Variants in COL6A6 observed in about 807,000 individuals in gnomAD.
COL6A6 encodes the protein collagen type VI alpha 6 chain.
In COL6A6, 183 loss-of-function variants were observed where a neutral mutation model predicts 208.6. The observed-to-expected ratio is 0.88, with a 90% CI of 0.78 to 0.99. The LOEUF (loss-of-function observed/expected upper bound fraction) is 0.99, where lower values mean the gene tolerates loss of function less well. Ranked by LOEUF, COL6A6 falls within the 50% of genes least tolerant of loss-of-function variation. The pLI is 0.00. For synonymous variants in COL6A6, 973 were observed against 1,011.8 expected (o/e 0.96, Z 0.73); for missense variants, 2,816 against 2,815.2 (o/e 1.00, Z -0.01).
At chr3:130,602,675 GT>G (rs2064060142) in intron 20 of COL6A6, among the ~76,000 whole-genome samples, 1 of 152,060 alleles carries the variant, frequency 6.6e-6, no homozygotes, top group Non-Finnish European at 1.5e-5. Flanking sequence ...TCTATTCTTT[GT>G]TTTTTCTTCA....
intron 10 of COL6A6, 102 bp downstream of exon 10, chr3:130,582,170 C>G (rs1266683505): frequency 1.4e-6 from 1 of 715,136 alleles, no homozygotes; most frequent in African/African-American, 1.8e-5. Context: ...TTTGAATAAC[C>G]CTGATTTTGA....
chr3:130,624,516 C>T (rs185445937), intron 24 of COL6A6, among the ~76,000 whole-genome samples: 2 of 152,180 alleles, frequency 1.3e-5, no homozygotes, highest in Admixed American at 6.5e-5. Flanking sequence ...GGCATGTAAT[C>T]GGGAAATCAA....
At chr3:130,557,119 T>C (rs965499213) in intron 1 of COL6A6, among the ~76,000 whole-genome samples, 2 of 152,196 alleles carry the variant, frequency 1.3e-5, no homozygotes, top group African/African-American at 2.4e-5. Context: ...GGAATGGAGC[T>C]GGACCCAGGC....
At chr3:130,641,779 G>A in intron 29 of COL6A6, 65 bp downstream of exon 29, 3 of 943,454 alleles carry the variant, frequency 3.2e-6, no homozygotes, top group South Asian at 1.7e-5. Context: ...GTCAGTGCAT[G>A]AAATCTTCAT....
chr3:130,627,360 G>A lies in COL6A6; in HGVS notation c.4983G>A (p.Lys1661=). ...GSPGYGSVGR[K]GAKGQEGFPG... ...CAGGTTATGGTAGTGTCGGACGCAA[G>A]GGAGCAAAGGTAAGTCAAGTCTGCT... The change falls in exon 26 of 37, where the codon AAG becomes AAA. Residue 1661 remains lysine, a synonymous_variant. Coordinates refer to ENST00000358511, the MANE Select transcript of COL6A6 (RefSeq NM_001102608.3). The A allele has an allele frequency of 6.2e-7, 1 of 1,613,748 alleles. No homozygotes were observed. The highest frequency in any genetic ancestry group is 8.5e-7 in the Non-Finnish European group (1 of 1,179,694).
chr3:130,642,477 G>A (rs138113523), intron 29 of COL6A6, among the ~76,000 whole-genome samples: 55 of 152,300 alleles, frequency 3.6e-4, no homozygotes, highest in African/African-American at 1.2e-3. Context: ...GCACATGTGT[G>A]GCTCACTTTA....
intron 36 of COL6A6, among the ~76,000 whole-genome samples, chr3:130,666,996 G>A (rs187466007): frequency 6.6e-6 from 1 of 152,150 alleles, no homozygotes; most frequent in Non-Finnish European, 1.5e-5. Context: ...TTTATCAATT[G>A]TAACAGTGGA....
In COL6A6 at chr3:130,565,164, A is replaced by AAAGTGAT. The variant is rs2062985617; in HGVS notation, c.835_841dup (p.Asn281SerfsTer11). The AAAGTGAT allele has an allele frequency of 6.2e-7, 1 of 1,613,932 alleles. No individual in the cohort carries two copies. Among genetic ancestry groups the AAAGTGAT allele is most frequent in the African/African-American group, 1.3e-5 (1 of 74,946 alleles). ...CCTTGTGGCCTATAGCAATGAGACA[A>AAAGTGAT]AAGTGATAAATTCACTGAGCATGGG... On this transcript the variant is annotated frameshift_variant, in exon 4 of 37. Coordinates refer to ENST00000358511, the MANE Select transcript of COL6A6 (RefSeq NM_001102608.3). LOFTEE classifies it high-confidence loss of function.
intron 36 of COL6A6, among the ~76,000 whole-genome samples, chr3:130,670,083 T>G (rs868383752): frequency 2.9e-4 from 44 of 152,352 alleles, no homozygotes; most frequent in Middle Eastern, 3.4e-3. Context: ...CTGGAATCTC[T>G]TGCTTACCTT....
rs1041889353 is a variant in COL6A6, at chr3:130,675,719, T to C, written c.*322T>C. 1.6e-5 allele frequency: 3 copies of C among 189,382 alleles called. No individual in the cohort carries two copies. Among genetic ancestry groups the C allele is most frequent in the African/African-American group, 7.0e-5 (3 of 43,052 alleles). 11.7% of individuals were successfully genotyped at this position (189,382 alleles called of 1,614,324 possible). A position where few individuals can be genotyped will look rare whatever the true frequency, so the allele number is the denominator to read the frequency against. ...ATATGTGTACATGGGTCAATGTTAA[T>C]TCTTTTATCTCTGTCCAGTTCATTT... On this transcript the variant is annotated 3_prime_UTR_variant, in exon 37 of 37. Coordinates refer to ENST00000358511, the MANE Select transcript of COL6A6 (RefSeq NM_001102608.3).
chr3:130,521,434 T>C (rs1031460064), intron 1 of COL6A6, among the ~76,000 whole-genome samples: 2 of 152,226 alleles, frequency 1.3e-5, no homozygotes, highest in Non-Finnish European at 2.9e-5. Context: ...TTCGTACCCC[T>C]ACCTCATCCT....
chr3:130,535,470 ATT>A (rs1406213066), intron 1 of COL6A6, among the ~76,000 whole-genome samples: 1 of 150,394 alleles, frequency 6.6e-6, no homozygotes, highest in Non-Finnish European at 1.5e-5. Flanking sequence ...CTTTTGAATT[ATT>A]TTATTAGCCA....
At position 130,526,537 on chromosome 3, in the gene COL6A6, T is replaced by A. The variant is rs1012766360; in HGVS notation, c.-32+9140T>A. Among the ~76,000 whole-genome samples, 4 of 152,162 alleles carry A rather than the reference T, an allele frequency of 2.6e-5. No homozygotes were observed. In the East Asian group the frequency reaches 7.7e-4, roughly 29 times the overall value. ...TCTTCAAAGATCCCTCTGATTGCTG[T>A]GTGAAGGATCTATGAAGAAGGACAA... On this transcript the variant is annotated intron_variant, in intron 1 of 36. Coordinates refer to ENST00000358511, the MANE Select transcript of COL6A6 (RefSeq NM_001102608.3).
Position 130,571,171 on chromosome 3 carries a change from A to G in COL6A6, c.2755A>G (p.Thr919Ala). 1 of 1,613,066 alleles carries G rather than the reference A, an allele frequency of 6.2e-7. No homozygotes were observed. The highest frequency in any genetic ancestry group is 2.2e-5 in the East Asian group (1 of 44,870). ...KGVPQVLIVI[T>A]DGESHDADKL... Reference sequence around the variant, plus strand: ...GGTCCCCCAAGTCCTCATTGTGATCACCGATGGGGAATCCCATGATGCTGA... The same window carrying G: ...GGTCCCCCAAGTCCTCATTGTGATCGCCGATGGGGAATCCCATGATGCTGA... Residue 919 changes from threonine (T) to alanine (A), a missense_variant, in exon 7 of 37, where the codon ACC (threonine) becomes GCC (alanine). Thr to Ala is a moderately conservative substitution (Grantham distance 58). Transcript: ENST00000358511.
intron 18 of COL6A6, among the ~76,000 whole-genome samples, chr3:130,595,759 A>G (rs2063833557): frequency 6.6e-6 from 1 of 152,176 alleles, no homozygotes; most frequent in Admixed American, 6.6e-5. Context: ...TGCTGCTATG[A>G]ATATTCTTAT....
At chr3:130,536,556 C>G (rs1484484699) in intron 1 of COL6A6, among the ~76,000 whole-genome samples, 1 of 152,128 alleles carries the variant, frequency 6.6e-6, no homozygotes, top group African/African-American at 2.4e-5. Flanking sequence ...AAATTATTTT[C>G]AATAGGGTGC....
intron 23 of COL6A6, among the ~76,000 whole-genome samples, chr3:130,620,084 G>A (rs890528205): frequency 6.6e-6 from 1 of 152,062 alleles, no homozygotes; most frequent in Non-Finnish European, 1.5e-5. Flanking sequence ...ACAGGTGTGT[G>A]CTGCTGTGCC....
intron 31 of COL6A6, among the ~76,000 whole-genome samples, chr3:130,644,690 C>CAAT (rs2065417558): frequency 1.3e-5 from 2 of 152,146 alleles, no homozygotes; most frequent in African/African-American, 4.8e-5. Context: ...CCAAATTCAG[C>CAAT]GCACCTCCCT....
At chr3:130,592,216 A>G (rs2063733869) in intron 13 of COL6A6, among the ~76,000 whole-genome samples, 1 of 152,142 alleles carries the variant, frequency 6.6e-6, no homozygotes. Flanking sequence ...TAAGTCTTGC[A>G]GTCATAGATG....
Sources: allele counts gnomAD v4.1 joint callset (sites outside exome capture counted in the v4.1 genomes callset), GRCh38; gene constraint gnomAD v4.1.1; transcripts MANE v1.5; gene names NCBI Gene and HGNC (gene_info 2026-07-23, HGNC 2026-07-21).